FMO3: variants seen among roughly 807,000 people sequenced by gnomAD.
FMO3 encodes the protein flavin containing dimethylaniline monoxygenase 3, also known as flavin-containing monooxygenase 3.
In FMO3, 40 loss-of-function variants were observed where a neutral mutation model predicts 39.4. That is an observed-to-expected ratio of 1.02 (90% confidence interval 0.79 to 1.32). The LOEUF (loss-of-function observed/expected upper bound fraction) is 1.32. Ranked by LOEUF, FMO3 falls within the 40% of genes most tolerant of loss-of-function variation. The pLI, the probability that FMO3 is intolerant of heterozygous loss-of-function variation, is 0.00. For missense variants in FMO3, 680 were observed against 651.8 expected (o/e 1.04, Z -0.47); for synonymous variants, 219 against 228.8 (o/e 0.96, Z 0.39).
rs1655721999 is a variant in FMO3 at position 171,107,924 on chromosome 1, G to C, written c.484+87G>C. 9 of 1,464,150 alleles carry C rather than the reference G, an allele frequency of 6.1e-6. No homozygotes were observed. In the East Asian group the frequency reaches 2.0e-4, roughly 33 times the overall value. 90.7% of individuals were successfully genotyped at this position (1,464,150 alleles called of 1,614,324 possible). A position where few individuals can be genotyped will look rare whatever the true frequency, so the allele number is the denominator to read the frequency against. On this transcript the variant is annotated intron_variant, in intron 4 of 8. Transcript: ENST00000367755. ...CTTCTTTTTTCTAAAAGTATAAGCA[G>C]GTTAAATTAAAATATACTTCTGTTA... is the stretch of plus-strand genomic sequence containing the variant.
chr1:171,098,491 G>A (rs1655208410), intron 2 of FMO3, among the ~76,000 whole-genome samples: 1 of 152,110 alleles, frequency 6.6e-6, no homozygotes, highest in South Asian at 2.1e-4. Flanking sequence ...AGTTCTCCTT[G>A]AAGAGGTCTT....
chr1:171,096,882 G>A (rs182050121), intron 2 of FMO3, among the ~76,000 whole-genome samples: 3 of 150,654 alleles, frequency 2.0e-5, no homozygotes, highest in Middle Eastern at 3.2e-3. Context: ...GTTGGTGTGC[G>A]GCACCCATTA....
At chr1:171,091,458 T>C (rs1183252944) in intron 1 of FMO3, among the ~76,000 whole-genome samples, 2 of 150,478 alleles carry the variant, frequency 1.3e-5, no homozygotes, top group African/African-American at 4.9e-5. Context: ...AAAAAAGTAG[T>C]GAAAGAAGTA....
In FMO3 at chr1:171,117,561, C is replaced by A. The variant is rs1656220721; in HGVS notation, c.*119C>A. ...TCTATTCAGCATCTTTTGCAGTACT[C>A]TGTAGACATTAGTCAGTAATACAGT... On this transcript the variant is annotated 3_prime_UTR_variant, in exon 9 of 9. Transcript: ENST00000367755. 1.4e-6 allele frequency: 1 copy of A among 717,656 alleles called. No individual in the cohort carries two copies. The allele number at this position is 717,656 out of a possible 1,614,324, so 44.5% of individuals were successfully genotyped here.
At chr1:171,110,089 G>A (rs1489528087) in intron 5 of FMO3, among the ~76,000 whole-genome samples, 4 of 152,122 alleles carry the variant, frequency 2.6e-5, no homozygotes, top group East Asian at 3.9e-4. Context: ...AGGCAAATTC[G>A]ATTCTCTCCA....
chr1:171,117,639 G>C lies in FMO3; in HGVS notation c.*197G>C. On this transcript the variant is annotated 3_prime_UTR_variant, in exon 9 of 9. Coordinates refer to ENST00000367755, the MANE Select transcript of FMO3 (RefSeq NM_001002294.3). ...TTTAAGAATCATGTCATGATCTTAAGAGAGCACTAATCATTTCTGTTTGAG... is the reference window on the plus strand; with the variant it reads ...TTTAAGAATCATGTCATGATCTTAACAGAGCACTAATCATTTCTGTTTGAG... 1 of 530,256 alleles carries C rather than the reference G, an allele frequency of 1.9e-6. No homozygotes were observed. Among genetic ancestry groups the C allele is most frequent in the Admixed American group, 3.4e-5 (1 of 29,210 alleles). 32.8% of individuals were successfully genotyped at this position (530,256 alleles called of 1,614,324 possible). A position where few individuals can be genotyped will look rare whatever the true frequency, so the allele number is the denominator to read the frequency against.
chr1:171,091,418 A>C lies in FMO3; in HGVS notation c.-7+437A>C, dbSNP rs78057993. On this transcript the variant is annotated intron_variant, in intron 1 of 8. Coordinates refer to ENST00000367755, the MANE Select transcript of FMO3 (RefSeq NM_001002294.3). Reference sequence around the variant, plus strand: ...TAATCATCCAAGTCTATTTCCCTGCATAGCTATGTGATTTTGTCTAAAAAG... The same window carrying C: ...TAATCATCCAAGTCTATTTCCCTGCCTAGCTATGTGATTTTGTCTAAAAAG... Among the ~76,000 whole-genome samples the C allele has an allele frequency of 5.9e-5, 9 of 152,132 alleles. No homozygotes were observed. The East Asian group carries it at 1.7e-3, about 29-fold the overall frequency.
intron 5 of FMO3, among the ~76,000 whole-genome samples, chr1:171,109,477 G>A (rs1312599127): frequency 2.0e-5 from 3 of 150,150 alleles, no homozygotes; most frequent in Non-Finnish European, 4.4e-5. Flanking sequence ...TAAATTAAAG[G>A]GAAGATCAAT....
intron 2 of FMO3, among the ~76,000 whole-genome samples, chr1:171,096,438 T>C (rs1655060675): frequency 9.5e-6 from 1 of 104,878 alleles, no homozygotes; most frequent in Non-Finnish European, 1.7e-5. Context: ...ATATATTACA[T>C]ATTTTATATA....
chr1:171,115,846 G>A (rs1244850676), intron 7 of FMO3, among the ~76,000 whole-genome samples: 1 of 152,050 alleles, frequency 6.6e-6, no homozygotes, highest in African/African-American at 2.4e-5. Context: ...CCATTTTCTG[G>A]CAAAGCAGGA....
In FMO3 at chr1:171,117,409, T is replaced by A; in HGVS notation, c.1566T>A (p.Ile522=). 2 of 1,613,522 alleles carry A rather than the reference T, an allele frequency of 1.2e-6. No homozygotes were observed. ...FHWLKLFAIP[I]LLIAVFLVLT Reference sequence around the variant, plus strand: ...GGCTGAAGCTCTTTGCAATTCCTATTCTGTTAATCGCTGTTTTCCTTGTGT... The same window carrying A: ...GGCTGAAGCTCTTTGCAATTCCTATACTGTTAATCGCTGTTTTCCTTGTGT... Residue 522 remains isoleucine, a synonymous_variant, in exon 9 of 9, where the codon ATT becomes ATA. Transcript: ENST00000367755.
At position 171,091,295 on chromosome 1, in the gene FMO3, G is replaced by A. The variant is rs183163549; in HGVS notation, c.-7+314G>A. ...GTTGAGGGTGGGATGGGTAAATGAA[G>A]AAGGAGCATGCTGTAGTTTTATACC... On this transcript the variant is annotated intron_variant, in intron 1 of 8. Transcript: ENST00000367755. Among the ~76,000 whole-genome samples, 360 of 152,168 alleles carry A rather than the reference G, an allele frequency of 2.4e-3. 1 individual carries two copies. Among genetic ancestry groups the A allele is most frequent in the Non-Finnish European group, 3.9e-3 (265 of 67,974 alleles).
In FMO3 at chr1:171,114,122, G is replaced by T; in HGVS notation, c.943G>T (p.Asp315Tyr). Residue 315 changes from aspartate (D) to tyrosine (Y), a missense_variant, in exon 7 of 9, where the codon GAT becomes TAT. Coordinates refer to ENST00000367755, the MANE Select transcript of FMO3 (RefSeq NM_001002294.3). ...CACAGAGACCTCGGCCATTTTTGAG[G>T]ATGGGACCATATTTGAGGGCATTGA... Reference protein sequence around the residue: ...EFTETSAIFEDGTIFEGIDCV... With the variant: ...EFTETSAIFEYGTIFEGIDCV... 1 of 1,613,952 alleles carries T rather than the reference G, an allele frequency of 6.2e-7. No homozygotes were observed. The highest frequency in any genetic ancestry group is 8.5e-7 in the Non-Finnish European group (1 of 1,179,906).
At chr1:171,105,320 T>A (rs1444831406) in intron 3 of FMO3, among the ~76,000 whole-genome samples, 1 of 152,142 alleles carries the variant, frequency 6.6e-6, no homozygotes, top group Non-Finnish European at 1.5e-5. Context: ...GCAGACAAGA[T>A]AATATGAAAT....
At chr1:171,094,911 G>A (rs1292396525) in intron 2 of FMO3, among the ~76,000 whole-genome samples, 1 of 152,018 alleles carries the variant, frequency 6.6e-6, no homozygotes, top group Non-Finnish European at 1.5e-5. Flanking sequence ...GAATTGCTGA[G>A]GTTATTTGGG....
At chr1:171,095,148 G>C (rs541259324) in intron 2 of FMO3, among the ~76,000 whole-genome samples, 4 of 151,986 alleles carry the variant, frequency 2.6e-5, no homozygotes, top group Admixed American at 2.0e-4. Flanking sequence ...TGGTTAAATG[G>C]GTTCCTAGAT....
At chr1:171,112,913 C>A (rs1003617806) in intron 6 of FMO3, among the ~76,000 whole-genome samples, 1 of 152,136 alleles carries the variant, frequency 6.6e-6, no homozygotes, top group Non-Finnish European at 1.5e-5. Flanking sequence ...AAAGAATAGC[C>A]AGCAAAGTAG....
chr1:171,108,244 G>A (rs1275652138), intron 5 of FMO3, 23 bp downstream of exon 5: 1 of 1,613,308 alleles, frequency 6.2e-7, no homozygotes. Flanking sequence ...GGGTACTCGG[G>A]TGACTCTCGT....
intron 3 of FMO3, 57 bp from the exon 4 acceptor site, chr1:171,107,618 C>T (rs1655702036): frequency 7.5e-6 from 11 of 1,470,586 alleles, no homozygotes; most frequent in Non-Finnish European, 1.0e-5. Context: ...CATACTGTAT[C>T]TGCCAAAACC....
Sources: gnomAD v4.1 joint callset for allele counts (sites outside exome capture counted in the v4.1 genomes callset) on GRCh38, gnomAD v4.1.1 for gene constraint, MANE v1.5 for transcripts, NCBI Gene and HGNC (gene_info 2026-07-23, HGNC 2026-07-21) for gene names.